The following CCDC74A variants were observed in gnomAD, a reference collection of about 807,000 sequenced individuals.
The protein encoded by CCDC74A is coiled-coil domain containing 74A.
A neutral mutation model predicts 37.6 loss-of-function variants in CCDC74A; 38 were observed. That is an observed-to-expected ratio of 1.01 (90% CI 0.78 to 1.33). The LOEUF is 1.33. CCDC74A is among the 40% of genes most tolerant of loss of function. The probability of loss-of-function intolerance (pLI) is 0.00; values close to 1 mark genes in which losing one functional copy is unlikely to be tolerated. For missense variants in CCDC74A, 340 were observed against 403.4 expected (o/e 0.84, Z 1.35); for synonymous variants, 134 against 165.2 (o/e 0.81, Z 1.45).
Position 131,533,509 on chromosome 2 carries a change from A to G in CCDC74A, c.*111A>G. ...TTTAGGCCTGGCTAAATTCCAAGAC[A>G]GATAACACTCAAGATAGATAAAGTA... is the stretch of plus-strand genomic sequence containing the variant. On this transcript the variant is annotated 3_prime_UTR_variant, in exon 8 of 8. Transcript: ENST00000409856. 3.5e-6 allele frequency: 5 copies of G among 1,444,276 alleles called. No individual in the cohort carries two copies. The highest frequency in any genetic ancestry group is 4.7e-5 in the East Asian group (2 of 42,502). The allele number at this position is 1,444,276 out of a possible 1,614,324, so 89.5% of individuals were successfully genotyped here.
chr2:131,527,259 G>A (rs953561118), upstream of CCDC74A, among the ~76,000 whole-genome samples: 1 of 151,502 alleles, frequency 6.6e-6, no homozygotes, highest in African/African-American at 2.4e-5. Context: ...ACAGGTGTGA[G>A]CCACCGCGCC....
At chr2:131,524,308 C>T (rs1272445777), upstream of CCDC74A, among the ~76,000 whole-genome samples, 1 of 152,136 alleles carries the variant, frequency 6.6e-6, no homozygotes, top group Non-Finnish European at 1.5e-5. Context: ...GCCAGGTTGA[C>T]AAGGGGTGGA....
intron 1 of CCDC74A, chr2:131,528,601 G>A: frequency 1.1e-6 from 1 of 872,880 alleles, no homozygotes; most frequent in South Asian, 1.4e-5. Context: ...ACGAGGTCAG[G>A]AGATCGAGAC....
At chr2:131,530,735 G>T (rs145064501) in intron 2 of CCDC74A, 42 bp from the exon 3 acceptor site, 2 of 1,613,030 alleles carry the variant, frequency 1.2e-6, no homozygotes, top group Admixed American at 3.3e-5. Context: ...AAGCGTGGGC[G>T]TCTTGCGGGC....
chr2:131,529,937 C>G (rs902838387), intron 2 of CCDC74A: 4 of 1,502,906 alleles, frequency 2.7e-6, no homozygotes, highest in African/African-American at 2.8e-5. Context: ...GAGGTGGGCA[C>G]AGGGTGCTCC....
At chr2:131,523,094 C>T (rs112897284), upstream of CCDC74A, among the ~76,000 whole-genome samples, 3,145 of 152,222 alleles carry the variant, frequency 0.021, 111 homozygotes, top group African/African-American at 0.072. Flanking sequence ...TTTGTAGAGA[C>T]GGGGTCTCAC....
chr2:131,526,884 A>C (rs1680350287), upstream of CCDC74A, among the ~76,000 whole-genome samples: 1 of 151,984 alleles, frequency 6.6e-6, no homozygotes, highest in Non-Finnish European at 1.5e-5. Context: ...CAGTTCTTTC[A>C]CTTGTATCCC....
At chr2:131,529,560 A>T (rs1230849588) in intron 1 of CCDC74A, 87 bp from the exon 2 acceptor site, 5 of 1,583,624 alleles carry the variant, frequency 3.2e-6, no homozygotes, top group Non-Finnish European at 4.3e-6. Flanking sequence ...TTTTGGGCTC[A>T]GCAGCCAGGA....
chr2:131,525,658 C>T (rs531890125), upstream of CCDC74A, among the ~76,000 whole-genome samples: 7 of 150,534 alleles, frequency 4.7e-5, no homozygotes, highest in Non-Finnish European at 1.0e-4. Flanking sequence ...AGCAATTCTT[C>T]GGCCTCGGCC....
chr2:131,533,204 G>T, intron 7 of CCDC74A, 65 bp from the exon 8 acceptor site: 3 of 1,608,214 alleles, frequency 1.9e-6, no homozygotes, highest in Non-Finnish European at 1.7e-6. Context: ...GGCCATGCAG[G>T]CCGCACTCCC....
chr2:131,530,755 G>C (rs146136108), intron 2 of CCDC74A, 22 bp from the exon 3 acceptor site: 6 of 1,612,748 alleles, frequency 3.7e-6, no homozygotes, highest in African/African-American at 1.3e-5. Context: ...CGGTAGCGCC[G>C]ACACTGTGCG....
At chr2:131,525,929 A>G (rs1680291865), upstream of CCDC74A, among the ~76,000 whole-genome samples, 2 of 150,866 alleles carry the variant, frequency 1.3e-5, no homozygotes, top group South Asian at 4.2e-4. Context: ...CGTGTTAGCC[A>G]GGATGGTCTC....
rs1006693904 is a variant in CCDC74A, at chr2:131,532,652, C to A, written c.549C>A (p.Gly183=). The change falls in exon 5 of 8, where the codon GGC becomes GGA. Residue 183 remains glycine, a synonymous_variant. Transcript: ENST00000409856. Reference sequence around the variant, plus strand: ...GTATGGGGAACAGCCAGCACCAGGGCAGGCAGATGGGGGCGGGGGCACACC... The same window carrying A: ...GTATGGGGAACAGCCAGCACCAGGGAAGGCAGATGGGGGCGGGGGCACACC... The part of the protein sequence containing the change: ...AACMGNSQHQ[G]RQMGAGAHPP... 1 of 1,612,336 alleles carries A rather than the reference C, an allele frequency of 6.2e-7. No individual in the cohort carries two copies. Among genetic ancestry groups the A allele is most frequent in the Non-Finnish European group, 8.5e-7 (1 of 1,179,158 alleles).
upstream of CCDC74A, among the ~76,000 whole-genome samples, chr2:131,523,422 G>C (rs1472284774): frequency 6.6e-6 from 1 of 152,202 alleles, no homozygotes; most frequent in Non-Finnish European, 1.5e-5. Flanking sequence ...GACGTCAGGA[G>C]TTTGAGACCA....
chr2:131,531,397 A>G (rs1681270427), intron 3 of CCDC74A, among the ~76,000 whole-genome samples: 1 of 151,550 alleles, frequency 6.6e-6, no homozygotes, highest in African/African-American at 2.4e-5. Flanking sequence ...CCTCTCATGC[A>G]GTTTCATTTT....
chr2:131,529,115 G>A (rs192824815), intron 1 of CCDC74A: 59 of 205,476 alleles, frequency 2.9e-4, no homozygotes, highest in Admixed American at 1.5e-3. Flanking sequence ...TGCTTCAGGA[G>A]GGCTCCAGCA....
chr2:131,527,560 A>T, upstream of CCDC74A: 1 of 183,750 alleles, frequency 5.4e-6, no homozygotes, highest in Non-Finnish European at 1.1e-5. Context: ...CAGCGGTGCG[A>T]TCTCGACTCA....
In CCDC74A at chr2:131,527,965, G is replaced by A; in HGVS notation, c.-6G>A. ...TGGCAGCGGGAGAGTACCTGGCGAT[G>A]GCGATATGAGCGGTGCGGGGGTGGC... On this transcript the variant is annotated 5_prime_UTR_variant, in exon 1 of 8. It removes an upstream start codon present in the reference 5' UTR. Coordinates refer to ENST00000409856, the MANE Select transcript of CCDC74A (RefSeq NM_001258306.3). 1.4e-6 allele frequency: 2 copies of A among 1,434,334 alleles called. No homozygotes were observed. Among genetic ancestry groups the A allele is most frequent in the Non-Finnish European group, 1.8e-6 (2 of 1,092,970 alleles). The allele number at this position is 1,434,334 out of a possible 1,614,324, so 88.9% of individuals were successfully genotyped here.
intron 1 of CCDC74A, chr2:131,529,327 A>C (rs1001527348): frequency 1.8e-6 from 1 of 550,472 alleles, no homozygotes. Flanking sequence ...TGACACTGCC[A>C]TAGCCAGGGG....
Sources: allele counts gnomAD v4.1 joint callset (sites outside exome capture counted in the v4.1 genomes callset), GRCh38; gene constraint gnomAD v4.1.1; transcripts MANE v1.5; gene names NCBI Gene and HGNC (gene_info 2026-07-23, HGNC 2026-07-21).